The following RGPD3 variants were observed in gnomAD, a reference collection of about 807,000 sequenced individuals.
The protein encoded by RGPD3 is ranBP2-like and GRIP domain-containing protein 3.
A neutral mutation model predicts 154.5 loss-of-function variants in RGPD3; 62 were observed. That is an observed-to-expected ratio of 0.40 (90% CI 0.33 to 0.50). RGPD3 has a LOEUF of 0.50. RGPD3 is among the 20% of genes least tolerant of loss of function. The pLI, the probability that RGPD3 is intolerant of heterozygous loss-of-function variation, is 0.59. For synonymous variants in RGPD3, 308 were observed against 607.0 expected (o/e 0.51, Z 7.24); for missense variants, 919 against 1,716.8 (o/e 0.54, Z 8.21).
In RGPD3 at chr2:106,424,212, T is replaced by C. The variant is rs556428798; in HGVS notation, c.3755A>G (p.Tyr1252Cys). 74 of 1,611,856 alleles carry C rather than the reference T, an allele frequency of 4.6e-5. No individual in the cohort carries two copies. Among genetic ancestry groups the C allele is most frequent in the Non-Finnish European group, 5.7e-5 (67 of 1,179,786 alleles). The part of the protein sequence containing the change: ...NTGPTLEWDN[Y>C]DLREDALDDS... ...ATCCAAAGCATCTTCCCTTAAATCA[T>C]AGTTATCCCATTCTAATGTGGGCCC... Residue 1252 changes from tyrosine to cysteine, a missense_variant, in exon 20 of 23, where the codon TAT becomes TGT. Physicochemically the swap from Tyr to Cys is radical, Grantham distance 194. Transcript: ENST00000409886.
Position 106,413,267 on chromosome 2 carries a change from T to A in RGPD3, c.5083A>T (p.Arg1695Ter), listed in dbSNP as rs747694197. The change falls in exon 22 of 23, where the codon AGA (arginine) becomes TGA (stop). Residue 1695 changes from arginine to a stop codon, truncating the protein, a stop_gained. Coordinates refer to ENST00000409886, the MANE Select transcript of RGPD3 (RefSeq NM_001144013.2). LOFTEE classifies it high-confidence loss of function. ...EQIKLLKSEI[R>*]RLERNQEQEV... ...TGCTCTTGATTCCTTTCCAATCTTC[T>A]TATTTCACTTTTGAGAAGCTGGTGT... 3.1e-6 allele frequency: 5 copies of A among 1,611,954 alleles called. No homozygotes were observed. In the South Asian group the frequency reaches 5.5e-5, roughly 18 times the overall value.
intron 1 of RGPD3, among the ~76,000 whole-genome samples, chr2:106,465,607 A>G (rs1188583091): frequency 1.3e-5 from 2 of 151,400 alleles, no homozygotes; most frequent in African/African-American, 4.9e-5. Flanking sequence ...CAGGCTGAGC[A>G]GAGTGGCTCA....
chr2:106,411,115 T>G (rs1484042005), intron 22 of RGPD3, among the ~76,000 whole-genome samples: 1 of 149,080 alleles, frequency 6.7e-6, no homozygotes, highest in Non-Finnish European at 1.5e-5. Flanking sequence ...TGCAGAATCT[T>G]GGGTCAGAAA....
chr2:106,413,243 G>A lies in RGPD3; in HGVS notation c.5107C>T (p.Gln1703Ter), dbSNP rs1164769214. ...TCCACGTTAGCTGCAGACACCTCTT[G>A]CTCTTGATTCCTTTCCAATCTTCTT... The part of the protein sequence containing the change: ...EIRRLERNQE[Q>*]EVSAANVEHL... The change falls in exon 22 of 23, where the codon CAA (glutamine) becomes TAA (stop). Residue 1703 changes from glutamine to a stop codon, truncating the protein, a stop_gained. Transcript: ENST00000409886. LOFTEE classifies it high-confidence loss of function. 6.2e-7 allele frequency: 1 copy of A among 1,611,964 alleles called. No individual in the cohort carries two copies. Among genetic ancestry groups the A allele is most frequent in the Non-Finnish European group, 8.5e-7 (1 of 1,179,858 alleles).
intron 7 of RGPD3, among the ~76,000 whole-genome samples, chr2:106,442,107 A>G (rs1677766336): frequency 9.7e-6 from 1 of 102,924 alleles, no homozygotes; most frequent in Non-Finnish European, 1.9e-5. Context: ...ACTTAAATCC[A>G]GGAGGTCAAG....
chr2:106,441,251 C>T, intron 8 of RGPD3, 42 bp downstream of exon 8: 1 of 1,556,428 alleles, frequency 6.4e-7, no homozygotes, highest in South Asian at 1.2e-5. Flanking sequence ...AACAGAAATT[C>T]CTTTTTCTTT....
chr2:106,416,729 G>GGAATAAACT, intron 20 of RGPD3, among the ~76,000 whole-genome samples: 1 of 50,776 alleles, frequency 2.0e-5, no homozygotes, highest in South Asian at 1.3e-3. Context: ...TTCATCAAGA[G>GGAATAAACT]GAATAAACTG....
At chr2:106,421,301 G>C (rs940264130) in intron 20 of RGPD3, among the ~76,000 whole-genome samples, 4 of 151,938 alleles carry the variant, frequency 2.6e-5, no homozygotes, top group African/African-American at 7.3e-5. Flanking sequence ...TCGTTCTTAG[G>C]TCAGGGATTC....
At chr2:106,412,498 C>T (rs1221321152) in intron 22 of RGPD3, among the ~76,000 whole-genome samples, 15 of 150,662 alleles carry the variant, frequency 1.0e-4, no homozygotes, top group African/African-American at 2.9e-4. Flanking sequence ...TTAGTAGAGA[C>T]GAGATTTCAC....
chr2:106,412,726 G>C (rs1340105765), intron 22 of RGPD3: 2 of 468,958 alleles, frequency 4.3e-6, no homozygotes, highest in Admixed American at 4.8e-5. Context: ...AGGAAGAGGG[G>C]TGAAGTAGAA....
At chr2:106,445,221 G>T (rs1243333578) in intron 7 of RGPD3, among the ~76,000 whole-genome samples, 1 of 145,526 alleles carries the variant, frequency 6.9e-6, no homozygotes, top group Non-Finnish European at 1.5e-5. Context: ...CCCAGGAGGC[G>T]GAGCTTGCAG....
chr2:106,413,167 T>G lies in RGPD3; in HGVS notation c.5183A>C (p.Glu1728Ala). The part of the protein sequence containing the change: ...LQFIFLKPGS[E>A]RERLLPVINT... ...TATAACAGGAAGAAGTCTCTCTCTT[T>G]CACTACCTGGCTTCAAGAAAATGAA... The change falls in exon 22 of 23, where the codon GAA becomes GCA. Residue 1728 changes from glutamate to alanine, a missense_variant. Physicochemically the swap from Glu to Ala is moderately radical, Grantham distance 107. Coordinates refer to ENST00000409886, the MANE Select transcript of RGPD3 (RefSeq NM_001144013.2). 1 of 1,611,896 alleles carries G rather than the reference T, an allele frequency of 6.2e-7. No individual in the cohort carries two copies. The highest frequency in any genetic ancestry group is 8.5e-7 in the Non-Finnish European group (1 of 1,179,840).
intron 6 of RGPD3, among the ~76,000 whole-genome samples, chr2:106,451,296 A>G (rs188496063): frequency 1.3e-5 from 2 of 152,030 alleles, no homozygotes; most frequent in Admixed American, 1.3e-4. Flanking sequence ...TTACCCTACC[A>G]ATTTAGGTCA....
At chr2:106,428,749 A>G (rs1448520694) in intron 18 of RGPD3, among the ~76,000 whole-genome samples, 9 of 151,086 alleles carry the variant, frequency 6.0e-5, no homozygotes, top group Non-Finnish European at 1.2e-4. Flanking sequence ...CATAAAAGGA[A>G]CAATTTTGTT....
At chr2:106,415,697 A>AAAAAAAT (rs1491421236) in intron 21 of RGPD3, among the ~76,000 whole-genome samples, 153 bp downstream of exon 21, 2 of 134,576 alleles carry the variant, frequency 1.5e-5, no homozygotes, top group African/African-American at 6.1e-5. Context: ...AAAAAAAAAA[A>AAAAAAAT]GGCAATATTT....
chr2:106,403,856 CA>C lies in RGPD3; in HGVS notation c.*1362del, dbSNP rs1676433551. On this transcript the variant is annotated 3_prime_UTR_variant, in exon 23 of 23. Coordinates refer to ENST00000409886, the MANE Select transcript of RGPD3 (RefSeq NM_001144013.2). ...ATTGGAAACCAATGTTCTGTGTAAC[CA>C]AAGTGCAAAGTCAGTTCCCCAGCTC... 1.3e-5 allele frequency among the ~76,000 whole-genome samples: 2 copies of C among 152,180 alleles called. No individual in the cohort carries two copies. The highest frequency in any genetic ancestry group is 2.9e-5 in the Non-Finnish European group (2 of 68,036).
At chr2:106,460,332 G>C (rs577485136) in intron 1 of RGPD3, among the ~76,000 whole-genome samples, 2 of 151,958 alleles carry the variant, frequency 1.3e-5, no homozygotes, top group South Asian at 4.2e-4. Flanking sequence ...CCTACCATGT[G>C]TAAAAGCCTC....
At chr2:106,409,503 C>G (rs866264000) in intron 22 of RGPD3, among the ~76,000 whole-genome samples, 1 of 152,114 alleles carries the variant, frequency 6.6e-6, no homozygotes, top group South Asian at 2.1e-4. Flanking sequence ...GTACATGAGA[C>G]AGTATTACAC....
chr2:106,438,730 C>T (rs1300090778), intron 9 of RGPD3, among the ~76,000 whole-genome samples: 9 of 150,306 alleles, frequency 6.0e-5, no homozygotes, highest in South Asian at 2.1e-4. Flanking sequence ...TACAGTGAGC[C>T]GAGATCGCAC....
Sources: gnomAD v4.1 joint callset for allele counts (sites outside exome capture counted in the v4.1 genomes callset) on GRCh38, gnomAD v4.1.1 for gene constraint, MANE v1.5 for transcripts, NCBI Gene and HGNC (gene_info 2026-07-23, HGNC 2026-07-21) for gene names.